Variants in GLCE observed in about 807,000 individuals in gnomAD.
The protein encoded by GLCE is D-glucuronyl C5-epimerase.
Under a neutral mutation model 47.9 loss-of-function variants are expected in GLCE, and 19 were observed. That is an observed-to-expected ratio of 0.40 (90% CI 0.28 to 0.58). The LOEUF (loss-of-function observed/expected upper bound fraction) is 0.58, where lower values mean the gene tolerates loss of function less well. Among genes scored for constraint, GLCE ranks in the 20% least tolerant of loss-of-function variants. The pLI, the probability that GLCE is intolerant of heterozygous loss-of-function variation, is 0.48. For missense variants in GLCE, 556 were observed against 743.3 expected (o/e 0.75, Z 2.93); for synonymous variants, 245 against 263.4 (o/e 0.93, Z 0.68).
intron 2 of GLCE, among the ~76,000 whole-genome samples, chr15:69,245,237 G>A (rs2052729750): frequency 6.7e-6 from 1 of 150,032 alleles, no homozygotes; most frequent in Admixed American, 6.7e-5. Context: ...GGAGGCTGAG[G>A]CACAAGAATC....
At chr15:69,184,838 G>A (rs2051799411) in intron 1 of GLCE, among the ~76,000 whole-genome samples, 2 of 152,206 alleles carry the variant, frequency 1.3e-5, no homozygotes, top group African/African-American at 4.8e-5. Context: ...GGAGCTATAT[G>A]TTCTATAAGG....
intron 2 of GLCE, among the ~76,000 whole-genome samples, chr15:69,230,257 C>A (rs1295421672): frequency 2.0e-5 from 3 of 149,642 alleles, no homozygotes; most frequent in African/African-American, 4.9e-5. Context: ...AAAAGATATA[C>A]CGTGTAGACA....
intron 4 of GLCE, among the ~76,000 whole-genome samples, chr15:69,263,818 A>G (rs1043834631): frequency 2.0e-5 from 3 of 152,088 alleles, no homozygotes; most frequent in African/African-American, 7.3e-5. Flanking sequence ...GATTAAACGA[A>G]TGGATTGATT....
At chr15:69,237,194 T>A (rs1227873863) in intron 2 of GLCE, among the ~76,000 whole-genome samples, 2 of 152,234 alleles carry the variant, frequency 1.3e-5, no homozygotes, top group African/African-American at 4.8e-5. Flanking sequence ...TCCATTAGCG[T>A]ATTCTCACAA....
chr15:69,212,122 G>C (rs1566957313), intron 2 of GLCE, among the ~76,000 whole-genome samples: 1 of 151,464 alleles, frequency 6.6e-6, no homozygotes, highest in East Asian at 1.9e-4. Flanking sequence ...GCTTTAATAT[G>C]TTAATGAGGC....
At chr15:69,187,775 A>G (rs1372588496) in intron 1 of GLCE, among the ~76,000 whole-genome samples, 5 of 152,054 alleles carry the variant, frequency 3.3e-5, no homozygotes, top group African/African-American at 1.2e-4. Context: ...TATCAACACT[A>G]CTTGGGGCCG....
At chr15:69,178,614 G>A (rs1365737214) in intron 1 of GLCE, among the ~76,000 whole-genome samples, 1 of 151,986 alleles carries the variant, frequency 6.6e-6, no homozygotes, top group Non-Finnish European at 1.5e-5. Flanking sequence ...AATTTAAACA[G>A]GAGAACATTT....
chr15:69,242,652 G>A (rs1313693234), intron 2 of GLCE, among the ~76,000 whole-genome samples: 4 of 152,072 alleles, frequency 2.6e-5, no homozygotes, highest in Admixed American at 2.6e-4. Context: ...GTATGAAAAA[G>A]TGGTTGGTCT....
At position 69,191,201 on chromosome 15, in the gene GLCE, CA is replaced by C. The variant is rs559190849; in HGVS notation, c.-104-19109del. 3.7e-3 allele frequency among the ~76,000 whole-genome samples: 557 copies of C among 152,188 alleles called. 4 individuals are homozygous for C. Among genetic ancestry groups the C allele is most frequent in the African/African-American group, 0.013 (534 of 41,546 alleles). On this transcript the variant is annotated intron_variant, in intron 1 of 4. Transcript: ENST00000261858. Reference sequence around the variant, plus strand: ...TTTGTTTAGTATCATTTTTCTTCTGCAAAAAATCTTTCTCAATATTTTTTAT... The same window carrying C: ...TTTGTTTAGTATCATTTTTCTTCTGCAAAAATCTTTCTCAATATTTTTTAT...
At chr15:69,263,648 C>T (rs1027364781) in intron 4 of GLCE, among the ~76,000 whole-genome samples, 1 of 152,130 alleles carries the variant, frequency 6.6e-6, no homozygotes, top group Non-Finnish European at 1.5e-5. Context: ...CCCAAGCACT[C>T]TTTTCATTTG....
chr15:69,238,228 C>T (rs1005397454), intron 2 of GLCE, among the ~76,000 whole-genome samples: 3 of 152,000 alleles, frequency 2.0e-5, no homozygotes, highest in Non-Finnish European at 4.4e-5. Flanking sequence ...TCTGCACAAC[C>T]AAGGGTAAAT....
intron 1 of GLCE, among the ~76,000 whole-genome samples, chr15:69,201,585 G>A (rs1228473775): frequency 3.4e-5 from 5 of 147,392 alleles, no homozygotes; most frequent in Non-Finnish European, 7.5e-5. Context: ...CTTTGTTTTG[G>A]CCCTTTCCTC....
chr15:69,179,929 G>A (rs1468717691), intron 1 of GLCE, among the ~76,000 whole-genome samples: 2 of 152,238 alleles, frequency 1.3e-5, no homozygotes, highest in Non-Finnish European at 2.9e-5. Flanking sequence ...GGAGGTTGCA[G>A]TGAGCTGTGA....
At chr15:69,266,877 T>C (rs1045701474) in intron 4 of GLCE, 3 of 160,812 alleles carry the variant, frequency 1.9e-5, no homozygotes, top group Admixed American at 6.5e-5. Flanking sequence ...CTACATATCT[T>C]CACCTCTAAA....
chr15:69,224,619 C>G (rs1457545241), intron 2 of GLCE, among the ~76,000 whole-genome samples: 2 of 152,136 alleles, frequency 1.3e-5, no homozygotes, highest in African/African-American at 4.8e-5. Context: ...TACAGATCTC[C>G]ATACCTGGAG....
chr15:69,263,428 T>C (rs999893264), intron 4 of GLCE, among the ~76,000 whole-genome samples: 23 of 147,046 alleles, frequency 1.6e-4, no homozygotes, highest in African/African-American at 5.4e-4. Context: ...GCTGTTGGTC[T>C]TTTTTTTTTT....
At chr15:69,238,749 G>A (rs546150142) in intron 2 of GLCE, among the ~76,000 whole-genome samples, 8 of 152,244 alleles carry the variant, frequency 5.3e-5, no homozygotes, top group Admixed American at 4.6e-4. Flanking sequence ...GTTTGAAAAT[G>A]AACATACATA....
At position 69,218,149 on chromosome 15, in the gene GLCE, C is replaced by CAAA. The variant is rs773040702; in HGVS notation, c.-14+7762_-14+7764dup. Among the ~76,000 whole-genome samples, 54 of 54,572 alleles carry CAAA rather than the reference C, an allele frequency of 9.9e-4. 1 individual carries two copies. Among genetic ancestry groups the CAAA allele is most frequent in the African/African-American group, 3.3e-3 (48 of 14,628 alleles). 35.8% of individuals were successfully genotyped at this position (54,572 alleles called of 152,430 possible). ...CCTGGGTGACAGAGCGAGACTGTCT[C>CAAA]AAAAAAAAAAAAAAAAAAAAAGGAA... On this transcript the variant is annotated intron_variant, in intron 2 of 4. Transcript: ENST00000261858.
chr15:69,167,301 G>T (rs2051519276), intron 1 of GLCE, among the ~76,000 whole-genome samples: 1 of 152,244 alleles, frequency 6.6e-6, no homozygotes, highest in South Asian at 2.1e-4. Flanking sequence ...TCAAGGGGAA[G>T]AAGCAAAAGC....
Sources: gnomAD v4.1 joint callset for allele counts (sites outside exome capture counted in the v4.1 genomes callset) on GRCh38, gnomAD v4.1.1 for gene constraint, MANE v1.5 for transcripts, NCBI Gene and HGNC (gene_info 2026-07-23, HGNC 2026-07-21) for gene names.